Variants in RALGAPA2 observed in about 807,000 individuals in gnomAD.
RALGAPA2 encodes the protein ral GTPase-activating protein subunit alpha-2.
Under a neutral mutation model 230.4 loss-of-function variants are expected in RALGAPA2, and 139 were observed. The observed-to-expected ratio is 0.60, with a 90% CI of 0.53 to 0.69. RALGAPA2 has a LOEUF of 0.69. Ranked by LOEUF, RALGAPA2 falls within the 30% of genes least tolerant of loss-of-function variation. RALGAPA2 has a pLI of 0.00. For missense variants in RALGAPA2, 2,163 were observed against 2,276.0 expected, an observed-to-expected ratio of 0.95 and a Z score of 1.01; for synonymous variants, 847 against 837.8, an observed-to-expected ratio of 1.01 and a Z score of -0.19.
At chr20:20,632,282 G>A (rs1010488530) in intron 9 of RALGAPA2, among the ~76,000 whole-genome samples, 5 of 151,796 alleles carry the variant, frequency 3.3e-5, no homozygotes, top group Admixed American at 6.6e-5. Flanking sequence ...CGCCCGCCTC[G>A]GCCTCCCAAA....
At chr20:20,587,535 G>T (rs536792575) in intron 18 of RALGAPA2, among the ~76,000 whole-genome samples, 2 of 152,054 alleles carry the variant, frequency 1.3e-5, no homozygotes, top group Non-Finnish European at 2.9e-5. Flanking sequence ...ATATATAAAA[G>T]ACTTAAATTT....
At position 20,676,848 on chromosome 20, in the gene RALGAPA2, A is replaced by C. The variant is rs2068341608; in HGVS notation, c.218-560T>G. Among the ~76,000 whole-genome samples, 4 of 152,336 alleles carry C rather than the reference A, an allele frequency of 2.6e-5. No individual in the cohort carries two copies. The South Asian group carries it at 8.3e-4, about 32-fold the overall frequency. ...AGGAATCAACAAACCTCTTCTGTAAAGGGTCAGACAATAAATATTTTAGGC... is the reference window on the plus strand; with the variant it reads ...AGGAATCAACAAACCTCTTCTGTAACGGGTCAGACAATAAATATTTTAGGC... On this transcript the variant is annotated intron_variant, in intron 2 of 39. Transcript: ENST00000202677.
At chr20:20,703,386 T>C (rs933837999) in intron 1 of RALGAPA2, among the ~76,000 whole-genome samples, 1 of 152,218 alleles carries the variant, frequency 6.6e-6, no homozygotes, top group African/African-American at 2.4e-5. Flanking sequence ...AATTCCTATT[T>C]TAACTTTATC....
intron 23 of RALGAPA2, among the ~76,000 whole-genome samples, chr20:20,558,312 G>A (rs1167490727): frequency 6.6e-6 from 1 of 152,004 alleles, no homozygotes; most frequent in East Asian, 1.9e-4. Flanking sequence ...AGCCTGCACA[G>A]CACTATTTTG....
chr20:20,440,729 G>A (rs964361149), intron 37 of RALGAPA2, among the ~76,000 whole-genome samples: 2 of 152,216 alleles, frequency 1.3e-5, no homozygotes, highest in Non-Finnish European at 1.5e-5. Flanking sequence ...GGTACTCCCC[G>A]GCCCGGGCCT....
chr20:20,496,319 C>T (rs369746650), intron 35 of RALGAPA2, among the ~76,000 whole-genome samples: 2 of 152,100 alleles, frequency 1.3e-5, no homozygotes, highest in South Asian at 4.1e-4. Flanking sequence ...ATCTCCTGCA[C>T]GATGACCGTA....
At chr20:20,440,123 A>C (rs966222261) in intron 37 of RALGAPA2, among the ~76,000 whole-genome samples, 4 of 152,226 alleles carry the variant, frequency 2.6e-5, no homozygotes, top group Admixed American at 6.5e-5. Context: ...AGAATAAACA[A>C]CACCACAGAG....
chr20:20,656,026 C>T (rs749507764), intron 3 of RALGAPA2, among the ~76,000 whole-genome samples: 1 of 152,162 alleles, frequency 6.6e-6, no homozygotes, highest in Non-Finnish European at 1.5e-5. Context: ...AAATGTTCTT[C>T]TAGGCAAATG....
At chr20:20,472,580 GCTT>G (rs2061563676) in intron 37 of RALGAPA2, 1 of 284,726 alleles carries the variant, frequency 3.5e-6, no homozygotes, top group Non-Finnish European at 6.4e-6. Context: ...AATGGTCACA[GCTT>G]CTCAGACACA....
intron 37 of RALGAPA2, among the ~76,000 whole-genome samples, chr20:20,462,850 A>C (rs2061334505): frequency 6.6e-6 from 1 of 152,208 alleles, no homozygotes; most frequent in South Asian, 2.1e-4. Context: ...GGTATGTATT[A>C]TCCTTTTTAG....
chr20:20,407,601 C>T (rs936637864), intron 38 of RALGAPA2, among the ~76,000 whole-genome samples: 12 of 152,058 alleles, frequency 7.9e-5, no homozygotes, highest in African/African-American at 1.2e-4. Flanking sequence ...TGCTTTGGGG[C>T]GAATGTGTAA....
intron 37 of RALGAPA2, among the ~76,000 whole-genome samples, chr20:20,459,827 C>G (rs955753200): frequency 2.6e-5 from 4 of 152,190 alleles, no homozygotes; most frequent in African/African-American, 9.7e-5. Flanking sequence ...TTATTTGAAG[C>G]AGCAGCTAGA....
intron 1 of RALGAPA2, among the ~76,000 whole-genome samples, chr20:20,683,134 C>T (rs963783743): frequency 6.6e-6 from 1 of 152,240 alleles, no homozygotes; most frequent in Non-Finnish European, 1.5e-5. Flanking sequence ...CACTACCCAT[C>T]CCCAGTATGC....
At chr20:20,593,670 G>A (rs2065363366) in intron 16 of RALGAPA2, among the ~76,000 whole-genome samples, 1 of 152,240 alleles carries the variant, frequency 6.6e-6, no homozygotes, top group African/African-American at 2.4e-5. Context: ...TTTATGGATA[G>A]TGGGAAGAGT....
chr20:20,671,119 G>A (rs1235174729), intron 3 of RALGAPA2, among the ~76,000 whole-genome samples: 1 of 152,192 alleles, frequency 6.6e-6, no homozygotes, highest in East Asian at 1.9e-4. Flanking sequence ...CACTGCCTGA[G>A]ACCATGACCT....
chr20:20,555,556 T>C (rs542263479), intron 23 of RALGAPA2, among the ~76,000 whole-genome samples: 1 of 152,308 alleles, frequency 6.6e-6, no homozygotes, highest in South Asian at 2.1e-4. Context: ...CCACGGATAT[T>C]TTTCCATTTA....
intron 3 of RALGAPA2, among the ~76,000 whole-genome samples, chr20:20,670,142 C>T (rs2068085330): frequency 6.6e-6 from 1 of 152,238 alleles, no homozygotes; most frequent in Non-Finnish European, 1.5e-5. Context: ...GAGGCTCTGG[C>T]TACCTTGCTC....
chr20:20,567,593 C>T (rs2064472984), intron 23 of RALGAPA2, among the ~76,000 whole-genome samples: 1 of 152,238 alleles, frequency 6.6e-6, no homozygotes, highest in Admixed American at 6.5e-5. Context: ...AGAAAACATA[C>T]CTGGTGGAAT....
At chr20:20,408,137 G>A (rs2059983766) in intron 38 of RALGAPA2, among the ~76,000 whole-genome samples, 1 of 152,248 alleles carries the variant, frequency 6.6e-6, no homozygotes, top group South Asian at 2.1e-4. Context: ...ACCATACGTA[G>A]TATTGGCATC....
Sources: gnomAD v4.1 joint callset for allele counts (sites outside exome capture counted in the v4.1 genomes callset) on GRCh38, gnomAD v4.1.1 for gene constraint, MANE v1.5 for transcripts, NCBI Gene and HGNC (gene_info 2026-07-23, HGNC 2026-07-21) for gene names.